Variants in MCF2L2 observed in about 807,000 individuals in gnomAD.
The protein encoded by MCF2L2 is probable guanine nucleotide exchange factor MCF2L2.
A neutral mutation model predicts 150.2 loss-of-function variants in MCF2L2; 102 were observed. That is an observed-to-expected ratio of 0.68 (90% CI 0.58 to 0.80). The LOEUF is 0.80. MCF2L2 is among the 30% of genes least tolerant of loss of function. The probability of loss-of-function intolerance (pLI) is 0.00; values close to 1 mark genes in which losing one functional copy is unlikely to be tolerated. For missense variants in MCF2L2, 1,256 were observed against 1,372.8 expected (o/e 0.91, Z 1.34); for synonymous variants, 465 against 491.3 (o/e 0.95, Z 0.71).
intron 3 of MCF2L2, among the ~76,000 whole-genome samples, chr3:183,355,613 ATTT>A (rs71185653): frequency 1.4e-4 from 12 of 84,454 alleles, no homozygotes; most frequent in South Asian, 7.0e-4. Context: ...CGCCCAGCTA[ATTT>A]TTTTTTTTTT....
chr3:183,330,715 G>A (rs76478185), intron 5 of MCF2L2, among the ~76,000 whole-genome samples: 308 of 152,084 alleles, frequency 2.0e-3, no homozygotes, highest in Non-Finnish European at 3.1e-3. Flanking sequence ...AATCTTTACA[G>A]GATAGAAATG....
At chr3:183,336,839 G>C (rs1297158249) in intron 5 of MCF2L2, among the ~76,000 whole-genome samples, 5 of 148,462 alleles carry the variant, frequency 3.4e-5, no homozygotes, top group Non-Finnish European at 7.4e-5. Context: ...CTGGGCAACA[G>C]AGTGAAACTC....
intron 1 of MCF2L2, among the ~76,000 whole-genome samples, chr3:183,410,514 T>C (rs1715268731): frequency 6.6e-6 from 1 of 152,190 alleles, no homozygotes; most frequent in Non-Finnish European, 1.5e-5. Flanking sequence ...GTGGGCCATA[T>C]GCCCGGGCCA....
At chr3:183,269,392 A>C (rs1036314234) in intron 15 of MCF2L2, 2 of 166,540 alleles carry the variant, frequency 1.2e-5, no homozygotes, top group African/African-American at 4.8e-5. Flanking sequence ...CCTTTTGTGC[A>C]GACAGGGCAG....
chr3:183,259,847 A>C (rs1482859445), intron 15 of MCF2L2, among the ~76,000 whole-genome samples: 1 of 152,166 alleles, frequency 6.6e-6, no homozygotes, highest in Non-Finnish European at 1.5e-5. Flanking sequence ...GACCAAGAAG[A>C]AGAAGGAGGG....
chr3:183,395,131 T>C (rs1244264138), intron 1 of MCF2L2, among the ~76,000 whole-genome samples: 1 of 152,202 alleles, frequency 6.6e-6, no homozygotes, highest in Non-Finnish European at 1.5e-5. Context: ...ATCTCCATAA[T>C]ATTTTATGCA....
At chr3:183,183,483 T>C (rs1431274572) in intron 27 of MCF2L2, among the ~76,000 whole-genome samples, 6 of 152,242 alleles carry the variant, frequency 3.9e-5, no homozygotes, top group Admixed American at 3.9e-4. Flanking sequence ...GAGAGGCCCA[T>C]TGCCCCATGG....
intron 16 of MCF2L2, 79 bp from the exon 17 acceptor site, chr3:183,229,860 A>G: frequency 1.7e-6 from 1 of 597,442 alleles, no homozygotes; most frequent in South Asian, 2.5e-5. Flanking sequence ...GCAAAACCCA[A>G]AACTTTAGTG....
intron 22 of MCF2L2, among the ~76,000 whole-genome samples, chr3:183,214,412 A>G (rs1007936655): frequency 3.9e-5 from 6 of 152,186 alleles, no homozygotes; most frequent in Non-Finnish European, 7.3e-5. Context: ...CAGTAACAGC[A>G]TCATGGCTGG....
intron 6 of MCF2L2, among the ~76,000 whole-genome samples, chr3:183,319,307 T>G (rs1037865002): frequency 5.3e-5 from 8 of 152,234 alleles, no homozygotes; most frequent in Non-Finnish European, 8.8e-5. Flanking sequence ...ATCTTCAGGC[T>G]CCACTTCTAG....
chr3:183,349,135 A>G (rs578064801), intron 3 of MCF2L2, among the ~76,000 whole-genome samples: 1 of 152,350 alleles, frequency 6.6e-6, no homozygotes, highest in South Asian at 2.1e-4. Flanking sequence ...ACTTCTGATC[A>G]CCATGGAATT....
chr3:183,332,592 A>C (rs1452862835), intron 5 of MCF2L2, among the ~76,000 whole-genome samples: 4 of 152,160 alleles, frequency 2.6e-5, no homozygotes, highest in Non-Finnish European at 5.9e-5. Flanking sequence ...CAATCAGGGA[A>C]ATACGCGTGA....
chr3:183,226,118 T>C (rs1358288446), intron 18 of MCF2L2: 1 of 152,244 alleles, frequency 6.6e-6, no homozygotes, highest in East Asian at 1.9e-4. Flanking sequence ...ACATGGTCTC[T>C]GGAGGAGAAT....
rs759624356 is a variant in MCF2L2, at chr3:183,179,450, G to A, written c.3275C>T (p.Ala1092Val). The change falls in exon 30 of 30, where the codon GCT (alanine) becomes GTT (valine). Residue 1092 changes from alanine (A) to valine (V), a missense_variant. Physicochemically the swap from Ala to Val is moderately conservative, Grantham distance 64. Transcript: ENST00000328913. This position sits in a 1 kb window ranked among gnomAD's most constrained non-coding sequence, Gnocchi z 4.2. ...GAAACCAGCCGTCGCCCCCGCAGGAGCCAGCCGGCCCGTGGACGCCCCAGC... is the reference window on the plus strand; with the variant it reads ...GAAACCAGCCGTCGCCCCCGCAGGAACCAGCCGGCCCGTGGACGCCCCAGC... ...ERAGASTGRL[A>V]PAGATAGFQA... 6 of 1,589,844 alleles carry A rather than the reference G, an allele frequency of 3.8e-6. No homozygotes were observed. In the East Asian group the frequency reaches 1.4e-4, roughly 36 times the overall value.
intron 10 of MCF2L2, among the ~76,000 whole-genome samples, chr3:183,308,537 G>A (rs1240231941): frequency 5.3e-5 from 8 of 152,104 alleles, no homozygotes; most frequent in African/African-American, 9.7e-5. Flanking sequence ...GAGAAAGAGC[G>A]CTCGCTGTGA....
intron 3 of MCF2L2, among the ~76,000 whole-genome samples, chr3:183,369,414 T>C (rs1259939920): frequency 6.6e-6 from 1 of 152,130 alleles, no homozygotes; most frequent in East Asian, 1.9e-4. Context: ...TTTTCATGTC[T>C]TCTGCTTCCC....
At chr3:183,360,257 A>G (rs1712051645) in intron 3 of MCF2L2, among the ~76,000 whole-genome samples, 1 of 152,176 alleles carries the variant, frequency 6.6e-6, no homozygotes, top group African/African-American at 2.4e-5. Context: ...TGGAGGAAAC[A>G]TTTTAAAAAG....
chr3:183,307,446 G>C (rs944430763), intron 10 of MCF2L2, among the ~76,000 whole-genome samples: 1 of 152,244 alleles, frequency 6.6e-6, no homozygotes. Flanking sequence ...CCTTCAGGAA[G>C]CAAGTTTAGA....
intron 22 of MCF2L2, among the ~76,000 whole-genome samples, chr3:183,208,833 G>T (rs1016139064): frequency 5.9e-5 from 9 of 152,140 alleles, no homozygotes; most frequent in Non-Finnish European, 1.2e-4. Flanking sequence ...TTGTTTATAT[G>T]TTGGGCAAAC....
Sources: gnomAD v4.1 joint callset for allele counts (sites outside exome capture counted in the v4.1 genomes callset) on GRCh38, gnomAD v4.1.1 for gene constraint, Gnocchi (gnomAD v3.1) non-coding constraint, MANE v1.5 for transcripts, NCBI Gene and HGNC (gene_info 2026-07-23, HGNC 2026-07-21) for gene names.